Variants in CCDC27 observed in about 807,000 individuals in gnomAD.
The protein encoded by CCDC27 is coiled-coil domain-containing protein 27.
In CCDC27, 80 loss-of-function variants were observed where a neutral mutation model predicts 80.3. That is an observed-to-expected ratio of 1.00 (90% CI 0.83 to 1.20). CCDC27 has a LOEUF of 1.20. Among genes scored for constraint, CCDC27 ranks in the 50% most tolerant of loss-of-function variants. The pLI, the probability that CCDC27 is intolerant of heterozygous loss-of-function variation, is 0.00. For synonymous variants in CCDC27, 342 were observed against 334.3 expected, an observed-to-expected ratio of 1.02 and a Z score of -0.25; for missense variants, 815 against 809.4, an observed-to-expected ratio of 1.01 and a Z score of -0.08.
chr1:3,763,591 G>C lies in CCDC27; in HGVS notation c.1322-115G>C, dbSNP rs1367929829. On this transcript the variant is annotated intron_variant, in intron 7 of 11. Coordinates refer to ENST00000294600, the MANE Select transcript of CCDC27 (RefSeq NM_152492.3). This position sits in a 1 kb window ranked among gnomAD's most constrained non-coding sequence, Gnocchi z 7.5. ...TGAGCTGGAGCAGGGGCAGGTGTCG[G>C]CAGCCTCACCCAGGCTGGCAGAGCC... The C allele has an allele frequency of 6.4e-7, 1 of 1,556,996 alleles. No individual in the cohort carries two copies. The highest frequency in any genetic ancestry group is 1.4e-5 in the African/African-American group (1 of 73,626).
In CCDC27 at chr1:3,771,443, C is replaced by T. The variant is rs2124599945; in HGVS notation, c.1891C>T (p.Gln631Ter). 1.2e-6 allele frequency: 2 copies of T among 1,614,060 alleles called. No individual in the cohort carries two copies. Among genetic ancestry groups the T allele is most frequent in the East Asian group, 2.2e-5 (1 of 44,880 alleles). The change falls in exon 12 of 12, where the codon CAG becomes TAG. Residue 631 changes from glutamine (Q) to a stop codon, truncating the protein, a stop_gained. Transcript: ENST00000294600. LOFTEE classifies it low-confidence loss of function (END_TRUNC). ...ERSDYYNQLK[Q>*]KGVKVPPLQQ... is the part of the protein sequence containing the mutation. Reference sequence around the variant, plus strand: ...AAGCGACTACTATAATCAGCTGAAGCAGAAAGGCGTCAAAGTGCCCCCCCT... The same window carrying T: ...AAGCGACTACTATAATCAGCTGAAGTAGAAAGGCGTCAAAGTGCCCCCCCT...
intron 3 of CCDC27, 107 bp from the exon 4 acceptor site, chr1:3,756,626 G>C: frequency 2.6e-6 from 3 of 1,167,806 alleles, no homozygotes; most frequent in Non-Finnish European, 1.3e-6. Flanking sequence ...GGGCAGATAG[G>C]GGTTTCCGAG....
rs1000546859 is a variant in CCDC27, at chr1:3,754,134, C to A, written c.335C>A (p.Ala112Asp). 6.2e-7 allele frequency: 1 copy of A among 1,613,450 alleles called. No individual in the cohort carries two copies. Residue 112 changes from alanine to aspartate, a missense_variant, in exon 2 of 12, where the codon GCC becomes GAC. Coordinates refer to ENST00000294600, the MANE Select transcript of CCDC27 (RefSeq NM_152492.3). ...YYRKTSEPKD[A>D]ASLTGFMSKM... ...CTCTGCCAGAGTGAACCCAAGGATG[C>A]CGCCAGCCTCACCGGCTTCATGTCC...
At position 3,766,724 on chromosome 1, in the gene CCDC27, C is replaced by A; in HGVS notation, c.1530+112C>A. On this transcript the variant is annotated intron_variant, in intron 9 of 11. Coordinates refer to ENST00000294600, the MANE Select transcript of CCDC27 (RefSeq NM_152492.3). The surrounding 1 kb of genome is among the most constrained non-coding windows in gnomAD (Gnocchi z 6.1). Reference sequence around the variant, plus strand: ...AGCGTCTTCACAGCTGAGCCAGGACCCCTTCGGTAGCATGCCACTCGACAG... The same window carrying A: ...AGCGTCTTCACAGCTGAGCCAGGACACCTTCGGTAGCATGCCACTCGACAG... 2 of 785,738 alleles carry A rather than the reference C, an allele frequency of 2.5e-6. No individual in the cohort carries two copies. The highest frequency in any genetic ancestry group is 4.2e-6 in the Non-Finnish European group (2 of 481,664). The allele number at this position is 785,738 out of a possible 1,614,324, so 48.7% of individuals were successfully genotyped here.
rs1643247596 is a variant in CCDC27, at chr1:3,767,245, C to A, written c.1543C>A (p.Leu515Met). ...NQLLRQQVSE[L>M]ERKLTKRDCV... is the part of the protein sequence containing the mutation. The stretch of plus-strand genomic sequence containing the variant: ...CGGCTGTCCCCAGCAAGTGTCGGAA[C>A]TGGAGAGAAAGCTCACCAAGCGGGA... Residue 515 changes from leucine (L) to methionine (M), a missense_variant, in exon 10 of 12, where the codon CTG becomes ATG. Physicochemically the swap from Leu to Met is conservative, Grantham distance 15. Transcript: ENST00000294600. The A allele has an allele frequency of 6.2e-7, 1 of 1,613,880 alleles. No homozygotes were observed. The highest frequency in any genetic ancestry group is 8.5e-7 in the Non-Finnish European group (1 of 1,180,004).
intron 2 of CCDC27, among the ~76,000 whole-genome samples, chr1:3,754,861 A>AGG (rs1439918116): frequency 5.0e-5 from 6 of 120,886 alleles, no homozygotes; most frequent in South Asian, 3.1e-4. Flanking sequence ...GGGGTTGGGG[A>AGG]GGGGGTCCCG....
chr1:3,758,465 C>T (rs1439652340), intron 4 of CCDC27, among the ~76,000 whole-genome samples: 6 of 149,388 alleles, frequency 4.0e-5, no homozygotes, highest in East Asian at 4.1e-4. Flanking sequence ...GGACTACAGG[C>T]GTGAGCCACT....
intron 8 of CCDC27, among the ~76,000 whole-genome samples, chr1:3,764,721 T>C (rs942164280): frequency 6.6e-6 from 1 of 152,186 alleles, no homozygotes; most frequent in South Asian, 2.1e-4. Flanking sequence ...GTGGAGCACA[T>C]CCTCCAGTAG....
chr1:3,762,717 G>A lies in CCDC27; in HGVS notation c.954+5G>A, dbSNP rs183267905. ...GAGCTGCAGCACTGGTGGCAGGTGC[G>A]GGCCGCCTGGAGAGCAGGCACGCAG... On this transcript the variant is annotated splice_donor_5th_base_variant and intron_variant, in intron 6 of 11. Coordinates refer to ENST00000294600, the MANE Select transcript of CCDC27 (RefSeq NM_152492.3). The A allele has an allele frequency of 7.0e-5, 109 of 1,547,822 alleles. No homozygotes were observed. Among genetic ancestry groups the A allele is most frequent in the African/African-American group, 6.3e-4 (46 of 73,072 alleles).
Position 3,752,717 on chromosome 1 carries a change from G to A in CCDC27, c.236G>A (p.Arg79Gln), listed in dbSNP as rs114328241. Residue 79 changes from arginine (R) to glutamine (Q), a missense_variant, in exon 1 of 12, where the codon CGG (arginine) becomes CAG (glutamine). Physicochemically the swap from Arg to Gln is conservative, Grantham distance 43. Transcript: ENST00000294600. ...LLQSMASRDA[R>Q]CPEWKPHQKP... ...CAGAGCATGGCCAGCCGGGACGCCC[G>A]GTGCCCAGAATGGAAACCGCACCAA... 2,968 of 1,613,860 alleles carry A rather than the reference G, an allele frequency of 1.8e-3. 45 individuals carry two copies. The African/African-American group carries it at 0.033, about 18-fold the overall frequency.
In CCDC27 at chr1:3,771,462, C is replaced by T; in HGVS notation, c.1910C>T (p.Pro637Leu). The change falls in exon 12 of 12, where the codon CCC becomes CTC. Residue 637 changes from proline (P) to leucine (L), a missense_variant. Pro to Leu is a moderately conservative substitution (Grantham distance 98). Coordinates refer to ENST00000294600, the MANE Select transcript of CCDC27 (RefSeq NM_152492.3). The part of the protein sequence containing the change: ...NQLKQKGVKV[P>L]PLQQSEAFLT... ...CTGAAGCAGAAAGGCGTCAAAGTGC[C>T]CCCCCTGCAACAGTCAGAGGCCTTC... The T allele has an allele frequency of 6.2e-7, 1 of 1,614,014 alleles. No individual in the cohort carries two copies. Among genetic ancestry groups the T allele is most frequent in the Non-Finnish European group, 8.5e-7 (1 of 1,179,970 alleles).
In CCDC27 at chr1:3,756,514, G is replaced by A. The variant is rs576431025; in HGVS notation, c.554-219G>A. On this transcript the variant is annotated intron_variant, in intron 3 of 11. Transcript: ENST00000294600. ...GCACCTTCCTGCACTCCCTCAGCAC[G>A]CGCTGTGCTGGGTGTGGGCGCCCCA... is the stretch of plus-strand genomic sequence containing the variant. 1.2e-4 allele frequency: 60 copies of A among 481,776 alleles called. No individual in the cohort carries two copies. The Middle Eastern group carries it at 2.4e-3, about 19-fold the overall frequency. 29.8% of individuals were successfully genotyped at this position (481,776 alleles called of 1,614,324 possible).
chr1:3,765,180 C>T (rs1242571157), intron 8 of CCDC27, among the ~76,000 whole-genome samples: 1 of 152,164 alleles, frequency 6.6e-6, no homozygotes, highest in Non-Finnish European at 1.5e-5. Flanking sequence ...ATCACAGAGG[C>T]CTTCCTCTGT....
Position 3,763,825 on chromosome 1 carries a change from A to G in CCDC27, c.1441A>G (p.Met481Val), listed in dbSNP as rs1643157743. 1 of 1,614,048 alleles carries G rather than the reference A, an allele frequency of 6.2e-7. No homozygotes were observed. The highest frequency in any genetic ancestry group is 8.5e-7 in the Non-Finnish European group (1 of 1,179,948). Residue 481 changes from methionine to valine, a missense_variant, in exon 8 of 12, where the codon ATG becomes GTG. Met to Val is a conservative substitution (Grantham distance 21, BLOSUM62 1). Transcript: ENST00000294600. This position sits in a 1 kb window ranked among gnomAD's most constrained non-coding sequence, Gnocchi z 7.5. ...AGAGCGGAGGCAGCAGCTACAAGCC[A>G]TGACCGACAAGGTGGCCGTGCGCTC... is the stretch of plus-strand genomic sequence containing the variant. Reference protein sequence around the residue: ...LRERRQQLQAMTDKFSNLRED... With the variant: ...LRERRQQLQAVTDKFSNLRED...
chr1:3,755,266 G>A (rs1292122225), intron 2 of CCDC27, among the ~76,000 whole-genome samples, 191 bp from the exon 3 acceptor site: 5 of 152,198 alleles, frequency 3.3e-5, no homozygotes, highest in Non-Finnish European at 7.3e-5. Flanking sequence ...GTCTGCTGAG[G>A]TGGAGACACC....
chr1:3,755,748 C>T lies in CCDC27; in HGVS notation c.553+181C>T, dbSNP rs139752415. 72 of 602,164 alleles carry T rather than the reference C, an allele frequency of 1.2e-4. No individual in the cohort carries two copies. The African/African-American group carries it at 1.3e-3, about 11-fold the overall frequency. 37.3% of individuals were successfully genotyped at this position (602,164 alleles called of 1,614,324 possible). ...GCAGAACTAGCCCTGCCTTCCCTGA[C>T]AGCATAGGCTGCAGTCCCCCCAGGA... On this transcript the variant is annotated intron_variant, in intron 3 of 11. Coordinates refer to ENST00000294600, the MANE Select transcript of CCDC27 (RefSeq NM_152492.3).
rs966821552 is a variant in CCDC27, at chr1:3,769,691, T to C, written c.1744-92T>C. ...GTGAGGGTGAGCTGTTCCTTCCTGGTACATAAAAAATAAGGTGGTGGGGGG... is the reference window on the plus strand; with the variant it reads ...GTGAGGGTGAGCTGTTCCTTCCTGGCACATAAAAAATAAGGTGGTGGGGGG... On this transcript the variant is annotated intron_variant, in intron 10 of 11. Coordinates refer to ENST00000294600, the MANE Select transcript of CCDC27 (RefSeq NM_152492.3). This position sits in a 1 kb window ranked among gnomAD's most constrained non-coding sequence, Gnocchi z 4.6. The C allele has an allele frequency of 3.6e-6, 3 of 836,078 alleles. No homozygotes were observed. Among genetic ancestry groups the C allele is most frequent in the African/African-American group, 3.3e-5 (2 of 60,060 alleles). 51.8% of individuals were successfully genotyped at this position (836,078 alleles called of 1,614,324 possible).
intron 1 of CCDC27, among the ~76,000 whole-genome samples, chr1:3,753,320 C>CTT (rs71580220): frequency 6.3e-5 from 6 of 94,994 alleles, no homozygotes; most frequent in East Asian, 2.3e-4. Flanking sequence ...TTTTCTTTTT[C>CTT]TTTTTTTTTT....
intron 3 of CCDC27, 76 bp from the exon 4 acceptor site, chr1:3,756,657 T>A: frequency 6.6e-7 from 1 of 1,521,122 alleles, no homozygotes. Context: ...GAAGGGTGGA[T>A]GTCGTCATCG....
Sources: gnomAD v4.1 joint callset for allele counts (sites outside exome capture counted in the v4.1 genomes callset) on GRCh38, gnomAD v4.1.1 for gene constraint, Gnocchi (gnomAD v3.1) non-coding constraint, MANE v1.5 for transcripts, NCBI Gene and HGNC (gene_info 2026-07-23, HGNC 2026-07-21) for gene names.